SDCCAG8: variants seen among roughly 807,000 people sequenced by gnomAD.
The protein encoded by SDCCAG8 is SHH signaling and ciliogenesis regulator SDCCAG8.
A neutral mutation model predicts 101.8 loss-of-function variants in SDCCAG8; 74 were observed. The observed-to-expected ratio is 0.73, with a 90% CI of 0.60 to 0.88. SDCCAG8 has a LOEUF of 0.88. Ranked by LOEUF, SDCCAG8 falls within the 40% of genes least tolerant of loss-of-function variation. The pLI is 0.00. For missense variants in SDCCAG8, 787 were observed against 822.6 expected, an observed-to-expected ratio of 0.96 and a Z score of 0.53; for synonymous variants, 281 against 292.9, an observed-to-expected ratio of 0.96 and a Z score of 0.41.
At position 243,422,757 on chromosome 1, in the gene SDCCAG8, AT is replaced by A. The variant is rs2081093292; in HGVS notation, c.1854-3668del. Reference sequence around the variant, plus strand: ...ACCTAAAAGAATAAAAAATTAAGATATTGTATTTCCCTTTGAAAGCAATTAT... The same window carrying A: ...ACCTAAAAGAATAAAAAATTAAGATATGTATTTCCCTTTGAAAGCAATTAT... On this transcript the variant is annotated intron_variant, in intron 15 of 17. Transcript: ENST00000366541. 5.9e-5 allele frequency among the ~76,000 whole-genome samples: 9 copies of A among 152,336 alleles called. No individual in the cohort carries two copies. The South Asian group carries it at 1.9e-3, about 32-fold the overall frequency.
chr1:243,395,307 A>C (rs1354189327), intron 13 of SDCCAG8, among the ~76,000 whole-genome samples: 1 of 152,218 alleles, frequency 6.6e-6, no homozygotes, highest in Non-Finnish European at 1.5e-5. Context: ...GAAGTGATCA[A>C]ATTACCAGGA....
chr1:243,347,607 GCAAAGTA>G (rs2075796209), intron 12 of SDCCAG8, among the ~76,000 whole-genome samples: 1 of 152,168 alleles, frequency 6.6e-6, no homozygotes, highest in African/African-American at 2.4e-5. Flanking sequence ...TAATCCTACA[GCAAAGTA>G]TGTGAAGGAA....
chr1:243,438,887 A>G (rs564173860), intron 16 of SDCCAG8, among the ~76,000 whole-genome samples: 1 of 152,250 alleles, frequency 6.6e-6, no homozygotes, highest in East Asian at 1.9e-4. Context: ...AACTACTTCC[A>G]TTCCTATGAC....
At chr1:243,464,775 C>T (rs1385851752) in intron 16 of SDCCAG8, among the ~76,000 whole-genome samples, 1 of 152,226 alleles carries the variant, frequency 6.6e-6, no homozygotes, top group Non-Finnish European at 1.5e-5. Flanking sequence ...AGCATGCTTG[C>T]ATAGGGTGAG....
At chr1:243,378,655 G>T in intron 12 of SDCCAG8, 66 bp from the exon 13 acceptor site, 2 of 1,529,046 alleles carry the variant, frequency 1.3e-6, no homozygotes, top group South Asian at 1.2e-5. Context: ...AAATAAAAAT[G>T]AGCTAATTTT....
chr1:243,410,009 T>TA (rs1441973791), intron 13 of SDCCAG8, among the ~76,000 whole-genome samples: 1 of 152,168 alleles, frequency 6.6e-6, no homozygotes, highest in Non-Finnish European at 1.5e-5. Flanking sequence ...CCATTAAAAG[T>TA]AATTACTTTT....
chr1:243,369,058 T>C (rs897415237), intron 12 of SDCCAG8, among the ~76,000 whole-genome samples: 7 of 152,112 alleles, frequency 4.6e-5, no homozygotes, highest in Admixed American at 2.6e-4. Context: ...TAAAAAAATC[T>C]CATAAATTCC....
intron 16 of SDCCAG8, among the ~76,000 whole-genome samples, chr1:243,463,321 A>G (rs1219097639): frequency 6.6e-6 from 1 of 152,266 alleles, no homozygotes; most frequent in Admixed American, 6.5e-5. Context: ...GGCTAGGGAG[A>G]GGCAGTGTAT....
chr1:243,397,779 G>T (rs2079116201), intron 13 of SDCCAG8, among the ~76,000 whole-genome samples: 1 of 152,220 alleles, frequency 6.6e-6, no homozygotes, highest in South Asian at 2.1e-4. Context: ...CTGCCTTTGG[G>T]CAGACACCTG....
intron 12 of SDCCAG8, among the ~76,000 whole-genome samples, chr1:243,376,099 A>G (rs966584756): frequency 2.6e-5 from 4 of 152,156 alleles, no homozygotes; most frequent in African/African-American, 9.6e-5. Context: ...GGGAACTTTT[A>G]TGAATTAAAT....
intron 2 of SDCCAG8, among the ~76,000 whole-genome samples, chr1:243,270,518 A>T (rs1313422431): frequency 6.6e-6 from 1 of 152,204 alleles, no homozygotes; most frequent in Non-Finnish European, 1.5e-5. Context: ...ATCTTTGTGT[A>T]CTTCTCATGC....
chr1:243,317,979 C>T (rs1415396426), intron 9 of SDCCAG8: 5 of 452,450 alleles, frequency 1.1e-5, no homozygotes, highest in Admixed American at 4.8e-5. Context: ...GAGTATATGC[C>T]CAGAGGAATA....
At chr1:243,449,995 T>G (rs148417299) in intron 16 of SDCCAG8, among the ~76,000 whole-genome samples, 93 of 152,316 alleles carry the variant, frequency 6.1e-4, no homozygotes, top group African/African-American at 2.2e-3. Flanking sequence ...GGTGGGATTT[T>G]TGAGGTTGGG....
At chr1:243,486,639 T>G (rs1664931010) in intron 16 of SDCCAG8, among the ~76,000 whole-genome samples, 1 of 152,262 alleles carries the variant, frequency 6.6e-6, no homozygotes, top group African/African-American at 2.4e-5. Flanking sequence ...GTGTTTATGC[T>G]GTGAGAGCGG....
intron 16 of SDCCAG8, among the ~76,000 whole-genome samples, chr1:243,444,391 G>A (rs575170963): frequency 2.5e-4 from 38 of 150,666 alleles, no homozygotes; most frequent in Admixed American, 1.2e-3. Context: ...TTTTTTTTTG[G>A]GATGGAGTCT....
Position 243,473,876 on chromosome 1 carries a change from G to A in SDCCAG8, c.1986-15138G>A, listed in dbSNP as rs532736200. Among the ~76,000 whole-genome samples the A allele has an allele frequency of 3.4e-3, 476 of 140,760 alleles. 2 individuals carry two copies. Among genetic ancestry groups the A allele is most frequent in the African/African-American group, 0.011 (430 of 38,120 alleles). The allele number at this position is 140,760 out of a possible 152,430, so 92.3% of individuals were successfully genotyped here. On this transcript the variant is annotated intron_variant, in intron 16 of 17. Transcript: ENST00000366541. ...GCTCCATTTTCCATGGCACTTTTTA[G>A]GAGGGGTCTTACAAATGAGTTTGGT... is the stretch of plus-strand genomic sequence containing the variant.
At chr1:243,440,853 G>A (rs532904811) in intron 16 of SDCCAG8, among the ~76,000 whole-genome samples, 36 of 152,278 alleles carry the variant, frequency 2.4e-4, no homozygotes, top group African/African-American at 6.0e-4. Context: ...TGTTTTGGCC[G>A]TGTGTAGCAT....
Position 243,462,629 on chromosome 1 carries a change from T to C in SDCCAG8, c.1986-26385T>C, listed in dbSNP as rs1304552170. Among the ~76,000 whole-genome samples, 7 of 134,180 alleles carry C rather than the reference T, an allele frequency of 5.2e-5. No individual in the cohort carries two copies. In the East Asian group the frequency reaches 9.2e-4, roughly 18 times the overall value. 88.0% of individuals were successfully genotyped at this position (134,180 alleles called of 152,430 possible). A position where few individuals can be genotyped will look rare whatever the true frequency, so the allele number is the denominator to read the frequency against. Reference sequence around the variant, plus strand: ...TGAGCAAAAATGAATGCATGAATAGTAGAACAAATTTACATTGTATTTTTT... The same window carrying C: ...TGAGCAAAAATGAATGCATGAATAGCAGAACAAATTTACATTGTATTTTTT... On this transcript the variant is annotated intron_variant, in intron 16 of 17. Transcript: ENST00000366541.
intron 13 of SDCCAG8, among the ~76,000 whole-genome samples, chr1:243,384,672 G>A (rs2078165746): frequency 6.6e-6 from 1 of 151,930 alleles, no homozygotes; most frequent in Non-Finnish European, 1.5e-5. Context: ...GCCATGTACT[G>A]TGGTGCACAC....
Sources: gnomAD v4.1 joint callset for allele counts (sites outside exome capture counted in the v4.1 genomes callset) on GRCh38, gnomAD v4.1.1 for gene constraint, MANE v1.5 for transcripts, NCBI Gene and HGNC (gene_info 2026-07-23, HGNC 2026-07-21) for gene names.